The following SAMD12 variants were observed in gnomAD, a reference collection of about 807,000 sequenced individuals.
SAMD12 encodes the protein sterile alpha motif domain containing 12, also known as sterile alpha motif domain-containing protein 12.
SAMD12 carries 9 observed loss-of-function variants against 15.0 expected under a neutral mutation model. The ratio of observed to expected loss-of-function variants is 0.60; its 90% CI spans 0.36 to 1.05. SAMD12 has a LOEUF of 1.05. SAMD12 is among the 50% of genes least tolerant of loss of function. The pLI is 0.01. For missense variants in SAMD12, 230 were observed against 234.2 expected (o/e 0.98, Z 0.12); for synonymous variants, 86 against 90.1 (o/e 0.96, Z 0.25).
At chr8:118,600,066 G>A (rs534773808) in intron 1 of SAMD12, among the ~76,000 whole-genome samples, 6 of 152,268 alleles carry the variant, frequency 3.9e-5, no homozygotes, top group Middle Eastern at 3.4e-3. Flanking sequence ...CATATGTCAC[G>A]TGAAAGAAAA....
At chr8:118,208,250 T>C (rs1232270880) in intron 4 of SAMD12, among the ~76,000 whole-genome samples, 2 of 151,938 alleles carry the variant, frequency 1.3e-5, no homozygotes, top group Non-Finnish European at 2.9e-5. Flanking sequence ...AGAGCGAAAC[T>C]CTGTCTCAAA....
chr8:118,375,418 C>T (rs1819335086), downstream of SAMD12, among the ~76,000 whole-genome samples: 1 of 152,044 alleles, frequency 6.6e-6, no homozygotes, highest in Non-Finnish European at 1.5e-5. Flanking sequence ...AATTTTAAGC[C>T]TTAAGTGGGT....
intron 4 of SAMD12, among the ~76,000 whole-genome samples, chr8:118,296,781 G>T (rs1439610247): frequency 6.6e-6 from 1 of 152,138 alleles, no homozygotes; most frequent in African/African-American, 2.4e-5. Context: ...ACTAAGCTCT[G>T]GTCTTGATGC....
At position 118,398,325 on chromosome 8, in the gene SAMD12, G is replaced by C. The variant is rs186632637; in HGVS notation, c.323-18625C>G. On this transcript the variant is annotated intron_variant, in intron 3 of 3. Coordinates refer to ENST00000314727, the MANE Select transcript of SAMD12 (RefSeq NM_207506.3). ...GAGGCAGGAAAATCACTTGAACCTG[G>C]CCGATGCAGGTTACAGTGAGCTGAG... is the stretch of plus-strand genomic sequence containing the variant. Among the ~76,000 whole-genome samples the C allele has an allele frequency of 1.4e-3, 211 of 152,230 alleles. 1 individual carries two copies. Among genetic ancestry groups the C allele is most frequent in the African/African-American group, 4.9e-3 (204 of 41,548 alleles).
intron 4 of SAMD12, among the ~76,000 whole-genome samples, chr8:118,337,811 C>A (rs1817158062): frequency 6.6e-6 from 1 of 152,096 alleles, no homozygotes. Context: ...CAAAGAGAAG[C>A]CGTACATTGA....
intron 4 of SAMD12, among the ~76,000 whole-genome samples, chr8:118,305,392 C>T (rs1815287081): frequency 6.6e-6 from 1 of 152,060 alleles, no homozygotes; most frequent in Admixed American, 6.5e-5. Context: ...TCATATTTGT[C>T]CTTTTGTATC....
chr8:118,265,120 CA>C (rs933360907), intron 4 of SAMD12, among the ~76,000 whole-genome samples: 4 of 152,142 alleles, frequency 2.6e-5, no homozygotes, highest in African/African-American at 9.7e-5. Flanking sequence ...TGTACATCTT[CA>C]AAACACCCAC....
At chr8:118,393,287 A>AC (rs1429189780) in intron 3 of SAMD12, among the ~76,000 whole-genome samples, 1 of 152,132 alleles carries the variant, frequency 6.6e-6, no homozygotes, top group African/African-American at 2.4e-5. Flanking sequence ...ATCATGTCTC[A>AC]CCACGGCAAT....
Position 118,416,932 on chromosome 8 carries a change from T to G in SAMD12, c.322+22900A>C, listed in dbSNP as rs138743042. 9.4e-3 allele frequency among the ~76,000 whole-genome samples: 1,427 copies of G among 152,224 alleles called. 35 individuals are homozygous for G. Among genetic ancestry groups the G allele is most frequent in the African/African-American group, 0.031 (1,306 of 41,536 alleles). On this transcript the variant is annotated intron_variant, in intron 3 of 3. Coordinates refer to ENST00000314727, the MANE Select transcript of SAMD12 (RefSeq NM_207506.3). ...GGTTTTTTTTTCCATGTGAGCAAAC[T>G]TGGGGAAAAAAATGCAGCAGATAAA...
intron 2 of SAMD12, among the ~76,000 whole-genome samples, chr8:118,504,297 A>G (rs1239788978): frequency 2.0e-5 from 3 of 152,340 alleles, no homozygotes; most frequent in South Asian, 2.1e-4. Context: ...AAAACAACAC[A>G]GTAATAATGG....
chr8:118,422,490 G>A (rs1822043233), intron 3 of SAMD12, among the ~76,000 whole-genome samples: 1 of 152,174 alleles, frequency 6.6e-6, no homozygotes, highest in Non-Finnish European at 1.5e-5. Context: ...AAAAGTTCAC[G>A]AAGCTAATAC....
intron 2 of SAMD12, among the ~76,000 whole-genome samples, chr8:118,556,249 C>A (rs1341867180): frequency 6.6e-6 from 1 of 152,174 alleles, no homozygotes; most frequent in Non-Finnish European, 1.5e-5. Flanking sequence ...GTATATGATT[C>A]TTTTGTATTC....
chr8:118,332,924 C>T (rs1332885975), intron 4 of SAMD12, among the ~76,000 whole-genome samples: 1 of 152,194 alleles, frequency 6.6e-6, no homozygotes, highest in Non-Finnish European at 1.5e-5. Context: ...AAGTTAGGGG[C>T]CCTTCTAGTG....
chr8:118,418,402 T>C lies in SAMD12; in HGVS notation c.322+21430A>G, dbSNP rs564952795. On this transcript the variant is annotated intron_variant, in intron 3 of 3. Coordinates refer to ENST00000314727, the MANE Select transcript of SAMD12 (RefSeq NM_207506.3). ...CAGAGGTGATAAAGAAGAAGGGATATAGACTGCAAAAGCTCCCCAAAAGAA... is the reference window on the plus strand; with the variant it reads ...CAGAGGTGATAAAGAAGAAGGGATACAGACTGCAAAAGCTCCCCAAAAGAA... Among the ~76,000 whole-genome samples, 4 of 152,222 alleles carry C rather than the reference T, an allele frequency of 2.6e-5. No individual in the cohort carries two copies. In the East Asian group the frequency reaches 7.7e-4, roughly 29 times the overall value.
intron 4 of SAMD12, among the ~76,000 whole-genome samples, chr8:118,220,067 C>T (rs1286298699): frequency 6.6e-6 from 1 of 152,154 alleles, no homozygotes; most frequent in Non-Finnish European, 1.5e-5. Context: ...ATGGCTTACA[C>T]TGAAAATGGT....
chr8:118,314,154 GC>G (rs1257803589), intron 4 of SAMD12, among the ~76,000 whole-genome samples: 4 of 151,832 alleles, frequency 2.6e-5, no homozygotes, highest in African/African-American at 9.7e-5. Context: ...TTCTGTATCT[GC>G]TAAACTATTT....
intron 1 of SAMD12, among the ~76,000 whole-genome samples, chr8:118,620,017 G>A (rs1828351883): frequency 6.6e-6 from 1 of 152,110 alleles, no homozygotes; most frequent in South Asian, 2.1e-4. Flanking sequence ...TACTAGACAG[G>A]TACTTTAACC....
chr8:118,276,714 C>A (rs1422839149), intron 4 of SAMD12, among the ~76,000 whole-genome samples: 3 of 152,118 alleles, frequency 2.0e-5, no homozygotes, highest in Non-Finnish European at 4.4e-5. Context: ...GCTTTGTCAA[C>A]CATGCTGGAG....
At chr8:118,341,673 C>T (rs1305424790) in intron 4 of SAMD12, among the ~76,000 whole-genome samples, 3 of 152,090 alleles carry the variant, frequency 2.0e-5, no homozygotes, top group Non-Finnish European at 4.4e-5. Context: ...TCTCTGGGAC[C>T]GCTTTTATAA....
Sources: allele counts gnomAD v4.1 joint callset (sites outside exome capture counted in the v4.1 genomes callset), GRCh38; gene constraint gnomAD v4.1.1; transcripts MANE v1.5; gene names NCBI Gene and HGNC (gene_info 2026-07-23, HGNC 2026-07-21).